The following LRRC37A2 variants were observed in gnomAD, a reference collection of about 807,000 sequenced individuals.
The protein encoded by LRRC37A2 is leucine-rich repeat-containing protein 37A2.
LRRC37A2 carries 9 observed loss-of-function variants against 68.8 expected under a neutral mutation model. The observed-to-expected ratio is 0.13, with a 90% CI of 0.08 to 0.23. The LOEUF is 0.23. LRRC37A2 is among the 10% of genes least tolerant of loss of function. The pLI is 1.00. For missense variants in LRRC37A2, 168 were observed against 950.4 expected, an observed-to-expected ratio of 0.18 and a Z score of 10.82; for synonymous variants, 63 against 367.6, an observed-to-expected ratio of 0.17 and a Z score of 9.48.
chr17:46,873,631 G>T, the LRRC37A2 span, among the ~76,000 whole-genome samples: 1 of 152,072 alleles, frequency 6.6e-6, no homozygotes, highest in African/African-American at 2.4e-5. Context: ...GGCCGAAGCG[G>T]GTGGATCACT....
At chr17:46,814,518 G>T in the LRRC37A2 span, among the ~76,000 whole-genome samples, 3 of 152,162 alleles carry the variant, frequency 2.0e-5, no homozygotes, top group East Asian at 5.8e-4. Flanking sequence ...CCAGGGAAAG[G>T]TCTGCCCTGG....
At chr17:46,734,066 C>G in the LRRC37A2 span, among the ~76,000 whole-genome samples, 2 of 152,162 alleles carry the variant, frequency 1.3e-5, no homozygotes, top group East Asian at 3.8e-4. Flanking sequence ...GACAACATTG[C>G]TTTCATGTAG....
chr17:46,823,197 T>TATA, the LRRC37A2 span, among the ~76,000 whole-genome samples: 2 of 116,432 alleles, frequency 1.7e-5, no homozygotes, highest in African/African-American at 8.4e-5. Context: ...ATTATATATA[T>TATA]TTATATATAA....
chr17:46,876,525 G>A, the LRRC37A2 span: 13 of 1,613,538 alleles, frequency 8.1e-6, no homozygotes, highest in Middle Eastern at 1.6e-4. Context: ...TGCCGGCCCA[G>A]CAAGTACTCA....
At chr17:46,742,220 T>C in the LRRC37A2 span, among the ~76,000 whole-genome samples, 1 of 152,248 alleles carries the variant, frequency 6.6e-6, no homozygotes, top group Admixed American at 6.5e-5. Context: ...GATTATTTTC[T>C]TTAAAATTTG....
chr17:46,748,532 G>T, the LRRC37A2 span, among the ~76,000 whole-genome samples: 1 of 152,176 alleles, frequency 6.6e-6, no homozygotes, highest in Admixed American at 6.5e-5. Context: ...CACTCTTTCT[G>T]AGGAAGCTTT....
chr17:46,718,737 A>G, the LRRC37A2 span, among the ~76,000 whole-genome samples: 1 of 152,224 alleles, frequency 6.6e-6, no homozygotes, highest in African/African-American at 2.4e-5. Flanking sequence ...TCAAATGAAG[A>G]TAATATTAAT....
At chr17:46,852,295 C>G in the LRRC37A2 span, among the ~76,000 whole-genome samples, 3 of 152,160 alleles carry the variant, frequency 2.0e-5, no homozygotes, top group Non-Finnish European at 2.9e-5. Flanking sequence ...GCTGGAGACG[C>G]AGGAAGGAAC....
the LRRC37A2 span, among the ~76,000 whole-genome samples, chr17:46,880,279 A>G: frequency 6.6e-6 from 1 of 152,232 alleles, no homozygotes. Flanking sequence ...CCAACCCTGG[A>G]CATTACTTGC....
At chr17:46,575,296 G>C in the LRRC37A2 span, among the ~76,000 whole-genome samples, 1 of 148,686 alleles carries the variant, frequency 6.7e-6, no homozygotes, top group Non-Finnish European at 1.5e-5. Context: ...GTAAAACACA[G>C]TGCTGGTTCA....
At chr17:46,933,844 G>A in the LRRC37A2 span, among the ~76,000 whole-genome samples, 1 of 151,614 alleles carries the variant, frequency 6.6e-6, no homozygotes, top group Admixed American at 6.6e-5. Flanking sequence ...TGAGCCTGTG[G>A]TCCCAACTAC....
At chr17:46,845,194 G>A in the LRRC37A2 span, among the ~76,000 whole-genome samples, 1 of 152,144 alleles carries the variant, frequency 6.6e-6, no homozygotes, top group Non-Finnish European at 1.5e-5. Context: ...TGTCCTGTGT[G>A]GAATGCCTTT....
At chr17:46,838,339 A>G in the LRRC37A2 span, among the ~76,000 whole-genome samples, 17 of 150,680 alleles carry the variant, frequency 1.1e-4, no homozygotes, top group Middle Eastern at 6.8e-3. Flanking sequence ...AAAAAAAAAA[A>G]TCACAGGCCA....
the LRRC37A2 span, chr17:46,756,015 G>A: frequency 1.6e-5 from 9 of 574,990 alleles, no homozygotes; most frequent in Admixed American, 1.7e-4. Flanking sequence ...GTGTCTCGTG[G>A]AAGGTGTCAA....
chr17:46,820,140 G>GC, the LRRC37A2 span, among the ~76,000 whole-genome samples: 5 of 152,228 alleles, frequency 3.3e-5, no homozygotes, highest in African/African-American at 7.2e-5. Flanking sequence ...TTTGATCTGA[G>GC]CCCCCCGTAC....
chr17:46,479,746 A>G, the LRRC37A2 span, among the ~76,000 whole-genome samples: 1 of 104,374 alleles, frequency 9.6e-6, no homozygotes, highest in South Asian at 4.4e-4. Context: ...TGACCTCGTG[A>G]TCCGCCCGCC....
the LRRC37A2 span, among the ~76,000 whole-genome samples, chr17:46,499,174 G>A: frequency 1.4e-5 from 2 of 144,438 alleles, no homozygotes; most frequent in Admixed American, 6.8e-5. Flanking sequence ...AATTAGCCGG[G>A]TGTGGTGGTG....
the LRRC37A2 span, among the ~76,000 whole-genome samples, chr17:47,020,161 C>T: frequency 6.6e-6 from 1 of 150,790 alleles, no homozygotes; most frequent in Non-Finnish European, 1.5e-5. Flanking sequence ...ATTCCAGAGC[C>T]AGGCTGCCTG....
At chr17:46,938,716 C>T in the LRRC37A2 span, 1 of 1,613,864 alleles carries the variant, frequency 6.2e-7, no homozygotes, top group South Asian at 1.1e-5. Flanking sequence ...TGGGATGCTG[C>T]TGACCTGTGT....
Sources: gnomAD v4.1 joint callset for allele counts (sites outside exome capture counted in the v4.1 genomes callset) on GRCh38, gnomAD v4.1.1 for gene constraint, MANE v1.5 for transcripts, NCBI Gene and HGNC (gene_info 2026-07-23, HGNC 2026-07-21) for gene names.